Variants in PDE4DIP observed in about 807,000 individuals in gnomAD.
PDE4DIP encodes the protein myomegalin.
Under a neutral mutation model 221.4 loss-of-function variants are expected in PDE4DIP, and 59 were observed. The observed-to-expected ratio is 0.27, with a 90% CI of 0.22 to 0.33. The LOEUF is 0.33. Ranked by LOEUF, PDE4DIP falls within the 10% of genes least tolerant of loss-of-function variation. The probability of loss-of-function intolerance (pLI) is 1.00; values close to 1 mark genes in which losing one functional copy is unlikely to be tolerated. For synonymous variants in PDE4DIP, 404 were observed against 815.9 expected (o/e 0.50, Z 8.60); for missense variants, 1,036 against 2,154.2 (o/e 0.48, Z 10.28).
At chr1:148,992,336 A>T in intron 22 of PDE4DIP, 1 of 1,581,712 alleles carries the variant, frequency 6.3e-7, no homozygotes, top group Non-Finnish European at 8.6e-7. Context: ...GCACCACAGA[A>T]GACAGGGAGT....
chr1:149,000,554 A>G (rs1553573984), intron 23 of PDE4DIP, among the ~76,000 whole-genome samples: 1 of 125,864 alleles, frequency 7.9e-6, no homozygotes, highest in African/African-American at 2.7e-5. Context: ...ACTCTGTCTC[A>G]AAAAAAAAAA....
chr1:149,030,064 C>T (rs1351679967), intron 42 of PDE4DIP, 139 bp downstream of exon 45: 3 of 1,097,538 alleles, frequency 2.7e-6, no homozygotes, highest in Non-Finnish European at 4.0e-6. Flanking sequence ...ACCTCCTGTA[C>T]CAGGAGCAAT....
intron 5 of PDE4DIP, chr1:148,952,154 G>A: frequency 9.7e-7 from 1 of 1,034,036 alleles, no homozygotes; most frequent in Non-Finnish European, 1.2e-6. Context: ...GCGACTTTCA[G>A]GTGAGGTCTT....
intron 38 of PDE4DIP, chr1:149,025,787 CAT>C (rs1225562805): frequency 6.8e-6 from 1 of 147,916 alleles, no homozygotes; most frequent in East Asian, 2.0e-4. Context: ...TGTAGATTCT[CAT>C]TTATCTGACA....
intron 5 of PDE4DIP, among the ~76,000 whole-genome samples, chr1:148,956,204 GTTTCC>G (rs1484384673): frequency 1.3e-5 from 2 of 151,842 alleles, no homozygotes; most frequent in Non-Finnish European, 2.9e-5. Flanking sequence ...AGAAAAAAAT[GTTTCC>G]TTTAGTTCAG....
In PDE4DIP at chr1:149,005,013, C is replaced by G. The variant is rs1553592099; in HGVS notation, c.3991C>G (p.Pro1331Ala). Residue 1331 changes from proline to alanine, a missense_variant, in exon 27 of 44, where the codon CCC becomes GCC. Coordinates refer to ENST00000369354, the Ensembl canonical transcript of PDE4DIP. ...ACTGGCTAGTTCCTCTGAGAGGAAG[C>G]CCTTGGAGAACCAGCTAGGGAAGCA... 12 of 1,476,750 alleles carry G rather than the reference C, an allele frequency of 8.1e-6. No individual in the cohort carries two copies. The South Asian group carries it at 1.4e-4, about 17-fold the overall frequency. The allele number at this position is 1,476,750 out of a possible 1,614,324, so 91.5% of individuals were successfully genotyped here.
chr1:148,852,466 A>C (rs1338360802), intron 1 of PDE4DIP, among the ~76,000 whole-genome samples: 1 of 21,486 alleles, frequency 4.7e-5, no homozygotes, highest in East Asian at 5.4e-3. Context: ...AAAAAAAAAA[A>C]AAAAAAAAAA....
chr1:148,963,912 A>ATG (rs2057594601), intron 9 of PDE4DIP, among the ~76,000 whole-genome samples: 1 of 145,346 alleles, frequency 6.9e-6, no homozygotes, highest in Admixed American at 6.8e-5. Context: ...GGCCGCCACC[A>ATG]CGCCCGGCTA....
intron 27 of PDE4DIP, 141 bp from the exon 31 acceptor site, chr1:149,007,060 C>T (rs2067250954): frequency 8.1e-6 from 5 of 619,162 alleles, no homozygotes; most frequent in African/African-American, 1.9e-5. Flanking sequence ...TAAATACCTC[C>T]TATGGCTTAT....
intron 27 of PDE4DIP, among the ~76,000 whole-genome samples, 197 bp downstream of exon 30, chr1:149,005,634 A>AGAT (rs2066794621): frequency 1.3e-5 from 2 of 151,660 alleles, no homozygotes; most frequent in Admixed American, 6.6e-5. Flanking sequence ...AGTATCTGGG[A>AGAT]GATACCGGGT....
At chr1:148,861,757 G>T (rs1553401216) in intron 1 of PDE4DIP, among the ~76,000 whole-genome samples, 5 of 81,176 alleles carry the variant, frequency 6.2e-5, no homozygotes, top group East Asian at 1.1e-3. Context: ...TTTCTGTAGG[G>T]TTATTGAAAT....
chr1:149,024,070 T>C (rs1321083771), intron 37 of PDE4DIP: 3 of 152,110 alleles, frequency 2.0e-5, no homozygotes, highest in East Asian at 4.0e-4. Context: ...GTGAGGACTA[T>C]GAAATCTCTT....
chr1:148,815,135 T>A (rs781812291), intron 1 of PDE4DIP, among the ~76,000 whole-genome samples: 3 of 119,840 alleles, frequency 2.5e-5, no homozygotes, highest in Admixed American at 8.1e-5. Flanking sequence ...AATAAATAAA[T>A]AAAATAGTAA....
intron 22 of PDE4DIP, chr1:148,992,466 G>T (rs1207960572): frequency 7.6e-7 from 1 of 1,324,302 alleles, no homozygotes; most frequent in African/African-American, 1.5e-5. Flanking sequence ...TATACAAAGA[G>T]AACCTTATGC....
chr1:148,912,300 C>A (rs1355097229), intron 1 of PDE4DIP, among the ~76,000 whole-genome samples: 44 of 146,592 alleles, frequency 3.0e-4, no homozygotes, highest in Non-Finnish European at 2.1e-4. Context: ...TTTGCATTGC[C>A]ACTTGCTATG....
At chr1:148,958,368 C>T (rs1257971886) in intron 5 of PDE4DIP, among the ~76,000 whole-genome samples, 1 of 152,172 alleles carries the variant, frequency 6.6e-6, no homozygotes, top group African/African-American at 2.4e-5. Flanking sequence ...ATAATTCATT[C>T]ACCACAGCAT....
chr1:149,000,516 T>G (rs1364423538), intron 23 of PDE4DIP, among the ~76,000 whole-genome samples: 2 of 150,744 alleles, frequency 1.3e-5, no homozygotes, highest in Non-Finnish European at 3.0e-5. Context: ...ATCTCACCAC[T>G]GCACTCCAGC....
chr1:148,953,122 G>A (rs782006118), intron 5 of PDE4DIP: 3 of 1,614,054 alleles, frequency 1.9e-6, no homozygotes, highest in Non-Finnish European at 2.5e-6. Context: ...GGAATGGGAC[G>A]GTTGACATGT....
At chr1:148,820,621 CAGAGA>C in intron 1 of PDE4DIP, among the ~76,000 whole-genome samples, 2 of 139,906 alleles carry the variant, frequency 1.4e-5, no homozygotes, top group Non-Finnish European at 3.1e-5. Context: ...AATGTCAAGT[CAGAGA>C]TTATTGCAGA....
Sources: gnomAD v4.1 joint callset for allele counts (sites outside exome capture counted in the v4.1 genomes callset) on GRCh38, gnomAD v4.1.1 for gene constraint, MANE v1.5 for transcripts, NCBI Gene and HGNC (gene_info 2026-07-23, HGNC 2026-07-21) for gene names.